EHD1: variants seen among roughly 807,000 people sequenced by gnomAD.
EHD1 encodes the protein EH domain containing 1.
In EHD1, 19 loss-of-function variants were observed where a neutral mutation model predicts 39.0. The observed-to-expected ratio is 0.49, with a 90% CI of 0.34 to 0.72. The LOEUF is 0.72. EHD1 is among the 30% of genes least tolerant of loss of function. EHD1 has a pLI of 0.01. For missense variants in EHD1, 542 were observed against 751.5 expected (o/e 0.72, Z 3.26); for synonymous variants, 323 against 331.2 (o/e 0.98, Z 0.27).
At chr11:64,869,032 G>A (rs1410129772) in intron 2 of EHD1, among the ~76,000 whole-genome samples, 3 of 152,202 alleles carry the variant, frequency 2.0e-5, no homozygotes, top group Admixed American at 6.5e-5. Context: ...AGGAGTAAAT[G>A]TTTGCTCTTA....
intron 4 of EHD1, 58 bp downstream of exon 4, chr11:64,855,264 G>A (rs1193997894): frequency 1.9e-6 from 3 of 1,584,456 alleles, no homozygotes. Flanking sequence ...CCAGTGCCCT[G>A]GGCCTTCCTT....
chr11:64,873,585 C>G (rs1452289194), intron 2 of EHD1, among the ~76,000 whole-genome samples: 1 of 152,118 alleles, frequency 6.6e-6, no homozygotes, highest in Non-Finnish European at 1.5e-5. Flanking sequence ...TTGCCTAGGC[C>G]CAGGGAGCCA....
chr11:64,876,972 A>G (rs1401126487), intron 1 of EHD1, among the ~76,000 whole-genome samples: 2 of 152,218 alleles, frequency 1.3e-5, no homozygotes, highest in African/African-American at 4.8e-5. Context: ...CTCTAGGGCA[A>G]GCTGCCCTGC....
At chr11:64,873,911 T>A (rs1729174403) in intron 2 of EHD1, among the ~76,000 whole-genome samples, 1 of 151,078 alleles carries the variant, frequency 6.6e-6, no homozygotes, top group South Asian at 2.1e-4. Context: ...TCTCCTGACC[T>A]CGTGATCCGC....
Position 64,853,895 on chromosome 11 carries a change from A to C in EHD1, c.*438T>G. The stretch of plus-strand genomic sequence containing the variant: ...AAGGAAGCCACGGTCCCGTGAAGCA[A>C]CCTCAGCTCAGAAGCACACGGAGGG... On this transcript the variant is annotated 3_prime_UTR_variant, in exon 5 of 5. Coordinates refer to ENST00000320631, the MANE Select transcript of EHD1 (RefSeq NM_006795.4). 5.7e-6 allele frequency: 1 copy of C among 174,836 alleles called. No individual in the cohort carries two copies. Among genetic ancestry groups the C allele is most frequent in the African/African-American group, 2.4e-5 (1 of 42,404 alleles). 10.8% of individuals were successfully genotyped at this position (174,836 alleles called of 1,614,324 possible).
At chr11:64,878,761 C>T, upstream of EHD1, 1 of 1,284,538 alleles carries the variant, frequency 7.8e-7, no homozygotes. Context: ...GGTGCCACGT[C>T]TTCCCCTACC....
chr11:64,857,722 C>T (rs1028328468), intron 3 of EHD1, among the ~76,000 whole-genome samples: 6 of 152,250 alleles, frequency 3.9e-5, no homozygotes, highest in African/African-American at 1.4e-4. Context: ...TCAACGCCTG[C>T]AGTCTCCATG....
At chr11:64,879,657 C>T (rs1359795919), upstream of EHD1, 7 of 1,550,776 alleles carry the variant, frequency 4.5e-6, no homozygotes, top group African/African-American at 1.4e-5. Flanking sequence ...CCATCCTCCC[C>T]GGCCACACAC....
intron 4 of EHD1, 57 bp downstream of exon 4, chr11:64,855,265 G>C (rs866359662): frequency 6.3e-7 from 1 of 1,585,124 alleles, no homozygotes; most frequent in African/African-American, 1.4e-5. Flanking sequence ...CAGTGCCCTG[G>C]GCCTTCCTTC....
intron 3 of EHD1, among the ~76,000 whole-genome samples, chr11:64,857,042 C>T (rs1338567735): frequency 1.3e-5 from 2 of 152,216 alleles, no homozygotes; most frequent in Non-Finnish European, 2.9e-5. Flanking sequence ...TCCTTTGAGG[C>T]CAGGGTCAGT....
chr11:64,866,290 A>G (rs1018436950), intron 2 of EHD1, among the ~76,000 whole-genome samples: 3 of 152,128 alleles, frequency 2.0e-5, no homozygotes, highest in Admixed American at 2.0e-4. Context: ...CACACCAAAT[A>G]CCGCATGTTC....
chr11:64,865,886 G>A (rs571586132), intron 2 of EHD1, among the ~76,000 whole-genome samples: 8 of 152,186 alleles, frequency 5.3e-5, no homozygotes, highest in Non-Finnish European at 8.8e-5. Flanking sequence ...CAGAGAAAAG[G>A]GAACATTTAT....
In EHD1 at chr11:64,854,341, G is replaced by A. The variant is rs768654185; in HGVS notation, c.1597C>T (p.His533Tyr). Reference sequence around the variant, plus strand: ...TGCGGGGCCGGGCGCCATCACTCATGTCTGCGCTTGGAGGGCGGCACCAGG... The same window carrying A: ...TGCGGGGCCGGGCGCCATCACTCATATCTGCGCTTGGAGGGCGGCACCAGG... Reference protein sequence around the residue: ...PHLVPPSKRRHE With the variant: ...PHLVPPSKRRYE Residue 533 changes from histidine (H) to tyrosine (Y), a missense_variant, in exon 5 of 5, where the codon CAT becomes TAT. Coordinates refer to ENST00000320631, the MANE Select transcript of EHD1 (RefSeq NM_006795.4). 3 of 1,607,364 alleles carry A rather than the reference G, an allele frequency of 1.9e-6. No homozygotes were observed. The highest frequency in any genetic ancestry group is 2.2e-5 in the East Asian group (1 of 44,814).
In EHD1 at chr11:64,854,820, G is replaced by A. The variant is rs1457787267; in HGVS notation, c.1118C>T (p.Ala373Val). 13 of 1,601,054 alleles carry A rather than the reference G, an allele frequency of 8.1e-6. No individual in the cohort carries two copies. The highest frequency in any genetic ancestry group is 6.7e-5 in the East Asian group (3 of 44,868). The change falls in exon 5 of 5, where the codon GCG becomes GTG. Residue 373 changes from alanine (A) to valine (V), a missense_variant. By Grantham distance (64) the Ala-to-Val change is moderately conservative (BLOSUM62 0). Coordinates refer to ENST00000320631, the MANE Select transcript of EHD1 (RefSeq NM_006795.4). ...CGTGTCCAGCAGCTTGGGCTTCAGC[G>A]CCTGGAACTTGCTGAAGTCCTGGGT... ...LQTQDFSKFQALKPKLLDTVD... is the reference protein window; with the variant it reads ...LQTQDFSKFQVLKPKLLDTVD...
intron 2 of EHD1, among the ~76,000 whole-genome samples, chr11:64,863,246 T>C (rs1943733593): frequency 6.6e-6 from 1 of 152,208 alleles, no homozygotes; most frequent in Admixed American, 6.5e-5. Flanking sequence ...GCCCACCACC[T>C]GCTCCTGGCA....
chr11:64,854,090 C>A lies in EHD1; in HGVS notation c.*243G>T. The A allele has an allele frequency of 1.4e-6, 1 of 694,126 alleles. No individual in the cohort carries two copies. The highest frequency in any genetic ancestry group is 2.9e-5 in the East Asian group (1 of 34,848). The allele number at this position is 694,126 out of a possible 1,614,324, so 43.0% of individuals were successfully genotyped here. A position where few individuals can be genotyped will look rare whatever the true frequency, so the allele number is the denominator to read the frequency against. Reference sequence around the variant, plus strand: ...ACAGGGGAGGCGGCGACAAAGAACGCAGCCTCTAACGTTATATATTAAAAT... The same window carrying A: ...ACAGGGGAGGCGGCGACAAAGAACGAAGCCTCTAACGTTATATATTAAAAT... On this transcript the variant is annotated 3_prime_UTR_variant, in exon 5 of 5. Coordinates refer to ENST00000320631, the MANE Select transcript of EHD1 (RefSeq NM_006795.4).
chr11:64,852,932 C>A lies in EHD1; in HGVS notation c.*1401G>T. 6.6e-6 allele frequency: 1 copy of A among 152,534 alleles called. No homozygotes were observed. Among genetic ancestry groups the A allele is most frequent in the Non-Finnish European group, 1.5e-5 (1 of 68,134 alleles). The allele number at this position is 152,534 out of a possible 1,614,324, so 9.4% of individuals were successfully genotyped here. On this transcript the variant is annotated 3_prime_UTR_variant, in exon 5 of 5. Coordinates refer to ENST00000320631, the MANE Select transcript of EHD1 (RefSeq NM_006795.4). ...GACTCCGAGCAGCGCTGGGGAGAAG[C>A]TCCCTGAGACCCCCGCGGGAAAGCC... is the stretch of plus-strand genomic sequence containing the variant.
At chr11:64,874,637 G>A (rs1943866589) in intron 1 of EHD1, 119 bp from the exon 2 acceptor site, 2 of 771,578 alleles carry the variant, frequency 2.6e-6, no homozygotes, top group South Asian at 2.3e-5. Context: ...CAGCAGCGGG[G>A]AACTGACAGG....
intron 2 of EHD1, 55 bp downstream of exon 2, chr11:64,874,366 G>T: frequency 7.2e-7 from 1 of 1,387,748 alleles, no homozygotes; most frequent in Non-Finnish European, 1.0e-6. Flanking sequence ...GCAGATCTTA[G>T]AGAGAAGGAT....
Sources: gnomAD v4.1 joint callset for allele counts (sites outside exome capture counted in the v4.1 genomes callset) on GRCh38, gnomAD v4.1.1 for gene constraint, MANE v1.5 for transcripts, NCBI Gene and HGNC (gene_info 2026-07-23, HGNC 2026-07-21) for gene names.